Variants in EHF observed in about 807,000 individuals in gnomAD.
The protein encoded by EHF is ETS homologous factor, also known as ESE3 transcription factor.
In EHF, 14 loss-of-function variants were observed where a neutral mutation model predicts 45.1. The observed-to-expected ratio is 0.31, with a 90% CI of 0.21 to 0.49. The LOEUF (loss-of-function observed/expected upper bound fraction) is 0.49, where lower values mean the gene tolerates loss of function less well. EHF is among the 20% of genes least tolerant of loss of function. The pLI is 0.99. For synonymous variants in EHF, 136 were observed against 131.8 expected, an observed-to-expected ratio of 1.03 and a Z score of -0.22; for missense variants, 282 against 371.4, an observed-to-expected ratio of 0.76 and a Z score of 1.98.
Position 34,650,599 on chromosome 11 carries a change from G to A in EHF, c.407-943G>A, listed in dbSNP as rs532663869. ...AACCCAGCAAGGAGGGGAGCTGAGG[G>A]TAACCTAGGTCTGCGGTGAGGAGAA... On this transcript the variant is annotated intron_variant, in intron 4 of 8. Transcript: ENST00000257831. Among the ~76,000 whole-genome samples, 4 of 152,366 alleles carry A rather than the reference G, an allele frequency of 2.6e-5. No individual in the cohort carries two copies. In the South Asian group the frequency reaches 8.3e-4, roughly 32 times the overall value.
At chr11:34,644,136 T>C (rs115867502) in intron 2 of EHF, among the ~76,000 whole-genome samples, 1 of 152,206 alleles carries the variant, frequency 6.6e-6, no homozygotes, top group Non-Finnish European at 1.5e-5. Context: ...CAAGATACAC[T>C]AGCAGGGACT....
chr11:34,646,027 GGTGTGTGTGT>G (rs71041935), intron 2 of EHF, among the ~76,000 whole-genome samples: 4,611 of 144,268 alleles, frequency 0.032, 214 homozygotes, highest in African/African-American at 0.1. Context: ...TGAGTTTGGT[GGTGTGTGTGT>G]GTGTGTGTGT....
intron 1 of EHF, among the ~76,000 whole-genome samples, chr11:34,641,016 G>A (rs1853947505): frequency 6.6e-6 from 1 of 152,178 alleles, no homozygotes; most frequent in South Asian, 2.1e-4. Context: ...GTCTGGGTGA[G>A]TACTAACCTT....
chr11:34,648,977 C>A, intron 3 of EHF, 42 bp from the exon 4 acceptor site: 1 of 1,590,328 alleles, frequency 6.3e-7, no homozygotes, highest in Non-Finnish European at 8.6e-7. Context: ...AGTTCTGGCT[C>A]CATCTGGGCC....
intron 2 of EHF, among the ~76,000 whole-genome samples, chr11:34,643,839 G>A (rs1211960218): frequency 1.3e-5 from 2 of 152,186 alleles, no homozygotes; most frequent in Non-Finnish European, 2.9e-5. Flanking sequence ...CTCGATGAAG[G>A]CAGCATTTCT....
chr11:34,621,504 C>T (rs1379512867), intron 1 of EHF, among the ~76,000 whole-genome samples: 2 of 152,190 alleles, frequency 1.3e-5, no homozygotes, highest in African/African-American at 4.8e-5. Context: ...TTTCCCTATG[C>T]CTGGGTGGCA....
intron 1 of EHF, among the ~76,000 whole-genome samples, chr11:34,627,866 A>G (rs887122632): frequency 6.6e-6 from 1 of 152,228 alleles, no homozygotes; most frequent in Non-Finnish European, 1.5e-5. Context: ...ACCAGGATAA[A>G]TCACATTTTC....
In EHF at chr11:34,643,277, C is replaced by A. The variant is rs562637503; in HGVS notation, c.97+550C>A. Among the ~76,000 whole-genome samples the A allele has an allele frequency of 1.4e-4, 22 of 152,128 alleles. No individual in the cohort carries two copies. In the East Asian group the frequency reaches 3.3e-3, roughly 23 times the overall value. ...AAGAAGAGGGGACCTGGTGGTGGGG[C>A]GTATAGAGGGTTTGGTGATCAAGCC... On this transcript the variant is annotated intron_variant, in intron 2 of 8. Transcript: ENST00000257831.
At position 34,656,945 on chromosome 11, in the gene EHF, T is replaced by G. The variant is rs1306251663; in HGVS notation, c.582T>G (p.Pro194=). ...ATATGAAAAAGGAGCAAGACCCCCC[T>G]GCCAAGTGCCACACCAAAAAGCACA... ...SPDMKKEQDP[P]AKCHTKKHNP... is the part of the protein sequence containing the mutation. The change falls in exon 7 of 9, where the codon CCT becomes CCG. Residue 194 remains proline (P), a synonymous_variant. Coordinates refer to ENST00000257831, the MANE Select transcript of EHF (RefSeq NM_012153.6). 1 of 1,613,720 alleles carries G rather than the reference T, an allele frequency of 6.2e-7. No homozygotes were observed. Among genetic ancestry groups the G allele is most frequent in the Non-Finnish European group, 8.5e-7 (1 of 1,179,796 alleles).
chr11:34,655,197 T>A (rs1855547228), intron 6 of EHF, among the ~76,000 whole-genome samples: 1 of 152,040 alleles, frequency 6.6e-6, no homozygotes, highest in Admixed American at 6.5e-5. Flanking sequence ...AGGAGAGAAA[T>A]TCTTAACCAG....
chr11:34,651,447 C>T, intron 4 of EHF, 95 bp from the exon 5 acceptor site: 1 of 981,444 alleles, frequency 1.0e-6, no homozygotes, highest in Non-Finnish European at 1.6e-6. Context: ...TCCTCACCCC[C>T]CATACTTTGT....
At chr11:34,628,237 C>A (rs1332879840) in intron 1 of EHF, among the ~76,000 whole-genome samples, 1 of 151,112 alleles carries the variant, frequency 6.6e-6, no homozygotes, top group South Asian at 2.1e-4. Context: ...GACTCTGTCT[C>A]AAAAAAATTA....
chr11:34,648,927 G>A, intron 3 of EHF, 92 bp from the exon 4 acceptor site: 8 of 1,222,636 alleles, frequency 6.5e-6, no homozygotes, highest in Non-Finnish European at 9.4e-6. Context: ...GATGGCAGAA[G>A]CTCTGCAAAG....
At chr11:34,632,512 C>A in intron 1 of EHF, 1 of 1,534,338 alleles carries the variant, frequency 6.5e-7, no homozygotes. Context: ...TTGGCTCAGG[C>A]TGCTTTGTGA....
rs947260500 is a variant in EHF, at chr11:34,659,785, T to C, written c.*854T>C. ...GCTGAAGAGTTTGCTCTTGTATCCC[T>C]ATAGTCCAAGGTTTCTCAATCTGCA... On this transcript the variant is annotated 3_prime_UTR_variant, in exon 9 of 9. Coordinates refer to ENST00000257831, the MANE Select transcript of EHF (RefSeq NM_012153.6). 1 of 152,208 alleles carries C rather than the reference T, an allele frequency of 6.6e-6. No homozygotes were observed. The highest frequency in any genetic ancestry group is 1.5e-5 in the Non-Finnish European group (1 of 68,026). 9.4% of individuals were successfully genotyped at this position (152,208 alleles called of 1,614,324 possible).
chr11:34,623,023 G>T (rs1852086262), intron 1 of EHF, among the ~76,000 whole-genome samples: 1 of 152,140 alleles, frequency 6.6e-6, no homozygotes, highest in South Asian at 2.1e-4. Flanking sequence ...GTTATGAAAA[G>T]GCTCAAATTC....
At chr11:34,643,271 G>C (rs992887588) in intron 2 of EHF, among the ~76,000 whole-genome samples, 2 of 152,174 alleles carry the variant, frequency 1.3e-5, no homozygotes, top group Non-Finnish European at 2.9e-5. Context: ...GGACCTGGTG[G>C]TGGGGCGTAT....
Position 34,631,276 on chromosome 11 carries a change from C to A in EHF, c.-4+10048C>A, listed in dbSNP as rs192899349. Among the ~76,000 whole-genome samples the A allele has an allele frequency of 2.6e-3, 390 of 152,264 alleles. 2 individuals carry two copies. Among genetic ancestry groups the A allele is most frequent in the African/African-American group, 8.6e-3 (356 of 41,560 alleles). Reference sequence around the variant, plus strand: ...TGAACTCCTGACCTCAAGTGATATGCCCGCCTCGGACTCCCAAAGTGCTGG... The same window carrying A: ...TGAACTCCTGACCTCAAGTGATATGACCGCCTCGGACTCCCAAAGTGCTGG... On this transcript the variant is annotated intron_variant, in intron 1 of 8. Transcript: ENST00000257831.
At chr11:34,657,999 A>G (rs1199831299) in intron 7 of EHF, among the ~76,000 whole-genome samples, 1 of 152,100 alleles carries the variant, frequency 6.6e-6, no homozygotes, top group African/African-American at 2.4e-5. Context: ...TGGGTCCTCC[A>G]GTCCCTGCGT....
Sources: allele counts gnomAD v4.1 joint callset (sites outside exome capture counted in the v4.1 genomes callset), GRCh38; gene constraint gnomAD v4.1.1; transcripts MANE v1.5; gene names NCBI Gene and HGNC (gene_info 2026-07-23, HGNC 2026-07-21).